Variants in HPSE2 observed in about 807,000 individuals in gnomAD.
The protein encoded by HPSE2 is heparanase 2 (inactive), also known as inactive heparanase-2.
In HPSE2, 38 loss-of-function variants were observed where a neutral mutation model predicts 60.5. That is an observed-to-expected ratio of 0.63 (90% CI 0.48 to 0.82). The LOEUF (loss-of-function observed/expected upper bound fraction) is 0.82, where lower values mean the gene tolerates loss of function less well. Among genes scored for constraint, HPSE2 ranks in the 40% least tolerant of loss-of-function variants. The pLI, the probability that HPSE2 is intolerant of heterozygous loss-of-function variation, is 0.00. For synonymous variants in HPSE2, 295 were observed against 293.2 expected (o/e 1.01, Z -0.06); for missense variants, 713 against 740.4 (o/e 0.96, Z 0.43).
At chr10:99,260,475 A>G in the HPSE2 span, among the ~76,000 whole-genome samples, 1 of 152,162 alleles carries the variant, frequency 6.6e-6, no homozygotes, top group African/African-American at 2.4e-5. Flanking sequence ...AAATCAGGTA[A>G]GCAGTCTTTT....
intron 9 of HPSE2, among the ~76,000 whole-genome samples, chr10:98,555,001 C>T (rs1943963942): frequency 6.6e-6 from 1 of 152,176 alleles, no homozygotes; most frequent in Non-Finnish European, 1.5e-5. Context: ...TTCATTGCAG[C>T]AGCTATGATT....
intron 9 of HPSE2, among the ~76,000 whole-genome samples, chr10:98,578,000 C>T (rs74870437): frequency 3.0e-3 from 451 of 152,226 alleles, no homozygotes; most frequent in Admixed American, 4.3e-3. Flanking sequence ...TTATTATTAA[C>T]CCTGCTATTT....
At chr10:98,706,027 T>A (rs1948538256) in intron 5 of HPSE2, among the ~76,000 whole-genome samples, 1 of 152,196 alleles carries the variant, frequency 6.6e-6, no homozygotes, top group African/African-American at 2.4e-5. Flanking sequence ...CATAAAATGC[T>A]TTTCAGTTTC....
At chr10:98,618,510 C>T (rs559403941) in intron 8 of HPSE2, among the ~76,000 whole-genome samples, 1 of 152,090 alleles carries the variant, frequency 6.6e-6, no homozygotes, top group Non-Finnish European at 1.5e-5. Flanking sequence ...AGCATTGACA[C>T]CCTGGCTTCT....
chr10:98,567,748 G>GGT (rs57706769), intron 9 of HPSE2, among the ~76,000 whole-genome samples: 48 of 151,314 alleles, frequency 3.2e-4, no homozygotes, highest in South Asian at 1.0e-3. Flanking sequence ...ACAAATGGAT[G>GGT]GTGTGTGTGT....
chr10:99,207,266 A>G (rs1239520728), intron 2 of HPSE2, among the ~76,000 whole-genome samples: 1 of 152,212 alleles, frequency 6.6e-6, no homozygotes, highest in Non-Finnish European at 1.5e-5. Context: ...AAGGGCTAAA[A>G]GAAAAAAATA....
At chr10:98,618,886 C>G (rs894040308) in intron 8 of HPSE2, among the ~76,000 whole-genome samples, 1 of 152,132 alleles carries the variant, frequency 6.6e-6, no homozygotes. Context: ...TGGGAGTGTA[C>G]TTTTGAAAGA....
At chr10:98,953,199 T>C (rs1955416223) in intron 3 of HPSE2, among the ~76,000 whole-genome samples, 1 of 152,136 alleles carries the variant, frequency 6.6e-6, no homozygotes, top group Non-Finnish European at 1.5e-5. Context: ...AACTCTAAGA[T>C]GTTCCATAAA....
intron 6 of HPSE2, among the ~76,000 whole-genome samples, chr10:98,662,650 G>A (rs971729796): frequency 3.9e-5 from 6 of 152,156 alleles, no homozygotes; most frequent in African/African-American, 1.4e-4. Flanking sequence ...ACAAACCCCT[G>A]TGACATGAGT....
chr10:98,760,041 C>T (rs556123945), intron 3 of HPSE2, among the ~76,000 whole-genome samples: 5 of 151,972 alleles, frequency 3.3e-5, no homozygotes, highest in African/African-American at 7.2e-5. Flanking sequence ...TGTTCTGATG[C>T]TATTGTAATG....
At chr10:99,174,517 A>T (rs1294109669) in intron 2 of HPSE2, among the ~76,000 whole-genome samples, 2 of 152,192 alleles carry the variant, frequency 1.3e-5, no homozygotes, top group African/African-American at 4.8e-5. Context: ...TGCAAAGTTA[A>T]TAAAGGTATC....
chr10:98,526,767 GT>G (rs1942978984), intron 9 of HPSE2, among the ~76,000 whole-genome samples: 1 of 152,154 alleles, frequency 6.6e-6, no homozygotes. Flanking sequence ...AGAAGGACTG[GT>G]TTTGTGTGGT....
At chr10:98,788,899 C>T (rs189252020) in intron 3 of HPSE2, among the ~76,000 whole-genome samples, 8 of 152,066 alleles carry the variant, frequency 5.3e-5, no homozygotes, top group Non-Finnish European at 8.8e-5. Context: ...AGAAATCACC[C>T]GTCTTCTGCG....
At chr10:99,048,393 C>T (rs1957909417) in intron 3 of HPSE2, 1 of 275,448 alleles carries the variant, frequency 3.6e-6, no homozygotes, top group Non-Finnish European at 6.9e-6. Context: ...CAAGCAAAAA[C>T]AATCCCATTC....
chr10:99,182,952 C>T (rs1260013630), intron 2 of HPSE2, among the ~76,000 whole-genome samples: 1 of 151,942 alleles, frequency 6.6e-6, no homozygotes, highest in Non-Finnish European at 1.5e-5. Flanking sequence ...GCAGAGATCA[C>T]GCCACCACAC....
chr10:98,840,371 G>A (rs1022933123), intron 3 of HPSE2, among the ~76,000 whole-genome samples: 1 of 152,162 alleles, frequency 6.6e-6, no homozygotes, highest in Non-Finnish European at 1.5e-5. Flanking sequence ...ACAGAGGAAT[G>A]CCTTGAAGTC....
rs544315439 is a variant in HPSE2, at chr10:98,758,410, A to G, written c.611-14354T>C. On this transcript the variant is annotated intron_variant, in intron 3 of 11. Coordinates refer to ENST00000370552, the MANE Select transcript of HPSE2 (RefSeq NM_021828.5). ...GCAAACAGACAACCTACAGAATGGGAGAGAATATTTGCAATCTATGTATCC... is the reference window on the plus strand; with the variant it reads ...GCAAACAGACAACCTACAGAATGGGGGAGAATATTTGCAATCTATGTATCC... Among the ~76,000 whole-genome samples, 26 of 152,270 alleles carry G rather than the reference A, an allele frequency of 1.7e-4. No homozygotes were observed. The South Asian group carries it at 2.1e-3, about 12-fold the overall frequency.
intron 3 of HPSE2, among the ~76,000 whole-genome samples, chr10:99,033,696 T>C (rs539000683): frequency 6.6e-6 from 1 of 151,756 alleles, no homozygotes; most frequent in African/African-American, 2.4e-5. Context: ...GGCAGGAGAA[T>C]AGCGTGAACC....
intron 2 of HPSE2, among the ~76,000 whole-genome samples, chr10:99,190,626 A>C (rs1404119570): frequency 6.6e-6 from 1 of 152,236 alleles, no homozygotes; most frequent in East Asian, 1.9e-4. Flanking sequence ...TCTATGGAAA[A>C]TGGAGAGGAG....
Sources: gnomAD v4.1 joint callset for allele counts (sites outside exome capture counted in the v4.1 genomes callset) on GRCh38, gnomAD v4.1.1 for gene constraint, MANE v1.5 for transcripts, NCBI Gene and HGNC (gene_info 2026-07-23, HGNC 2026-07-21) for gene names.